Variants in PODXL2 observed in about 807,000 individuals in gnomAD.
PODXL2 encodes podocalyxin like 2, also known as podocalyxin-like protein 2.
In PODXL2, 17 loss-of-function variants were observed where a neutral mutation model predicts 53.4. The ratio of observed to expected loss-of-function variants is 0.32; its 90% CI spans 0.22 to 0.48. The LOEUF (loss-of-function observed/expected upper bound fraction) is 0.48. Ranked by LOEUF, PODXL2 falls within the 20% of genes least tolerant of loss-of-function variation. PODXL2 has a pLI of 0.99. For synonymous variants in PODXL2, 311 were observed against 306.7 expected, an observed-to-expected ratio of 1.01 and a Z score of -0.15; for missense variants, 673 against 760.0, an observed-to-expected ratio of 0.89 and a Z score of 1.35.
intron 4 of PODXL2, chr3:127,665,824 G>T (rs969185481): frequency 2.7e-6 from 1 of 371,464 alleles, no homozygotes; most frequent in Non-Finnish European, 5.4e-6. Flanking sequence ...TGCCACACAC[G>T]TGCTTACAAG....
At chr3:127,657,521 T>G (rs1472621578) in intron 2 of PODXL2, among the ~76,000 whole-genome samples, 1 of 152,248 alleles carries the variant, frequency 6.6e-6, no homozygotes, top group African/African-American at 2.4e-5. Flanking sequence ...AGTCATCTCT[T>G]GAGTCTGCTC....
intron 1 of PODXL2, among the ~76,000 whole-genome samples, chr3:127,637,654 T>C (rs943952288): frequency 2.7e-4 from 41 of 152,206 alleles, no homozygotes; most frequent in Admixed American, 6.5e-5. Context: ...TCTCCTGTTA[T>C]ATAGAACATC....
chr3:127,632,507 T>C (rs952607135), intron 1 of PODXL2, among the ~76,000 whole-genome samples: 2 of 152,238 alleles, frequency 1.3e-5, no homozygotes, highest in African/African-American at 2.4e-5. Flanking sequence ...CATGGCCCTC[T>C]CAAAGGCAGG....
At chr3:127,669,308 T>G (rs1411160486) in intron 6 of PODXL2, 106 bp downstream of exon 6, 38 of 760,698 alleles carry the variant, frequency 5.0e-5, no homozygotes, top group Middle Eastern at 2.3e-4. Context: ...CAAAGGAGTA[T>G]AAGACAGAGC....
rs746022833 is a variant in PODXL2, at chr3:127,671,496, C to G, written c.1488C>G (p.Ser496Arg). The change falls in exon 7 of 8, where the codon AGC becomes AGG. Residue 496 changes from serine (S) to arginine (R), a missense_variant. This residue lies in a region of PODXL2 where 588 missense variants were observed against 668.3 expected (regional missense o/e 0.88). Transcript: ENST00000342480. The stretch of plus-strand genomic sequence containing the variant: ...AGGCGCGGGCCAGCCAGGTGCGCAG[C>G]GACTACGGCACGCTCTTCGTGGTGC... ...SCQARASQVRSDYGTLFVVLV... is the reference protein window; with the variant it reads ...SCQARASQVRRDYGTLFVVLV... 3 of 1,614,150 alleles carry G rather than the reference C, an allele frequency of 1.9e-6. No homozygotes were observed. The highest frequency in any genetic ancestry group is 2.5e-6 in the Non-Finnish European group (3 of 1,180,018).
At chr3:127,634,972 G>A (rs1389107233) in intron 1 of PODXL2, among the ~76,000 whole-genome samples, 1 of 152,108 alleles carries the variant, frequency 6.6e-6, no homozygotes, top group Non-Finnish European at 1.5e-5. Context: ...TATGAGGACT[G>A]TAATTCTAAT....
chr3:127,650,035 T>C (rs1055117242), intron 2 of PODXL2, among the ~76,000 whole-genome samples: 1 of 152,240 alleles, frequency 6.6e-6, no homozygotes, highest in Non-Finnish European at 1.5e-5. Flanking sequence ...ATATTAACAC[T>C]CAGTTGGATA....
At chr3:127,671,260 C>T (rs974942245) in intron 6 of PODXL2, among the ~76,000 whole-genome samples, 174 bp from the exon 7 acceptor site, 1 of 151,996 alleles carries the variant, frequency 6.6e-6, no homozygotes, top group African/African-American at 2.4e-5. Context: ...CTGAGGCAAA[C>T]GGGATGGGCA....
At chr3:127,669,848 A>C (rs954693261) in intron 6 of PODXL2, among the ~76,000 whole-genome samples, 1 of 152,148 alleles carries the variant, frequency 6.6e-6, no homozygotes, top group Admixed American at 6.5e-5. Flanking sequence ...AGGGTCCCCC[A>C]GTCCTGCTCC....
chr3:127,662,414 C>T (rs933315202), intron 4 of PODXL2, 103 bp downstream of exon 4: 12 of 794,260 alleles, frequency 1.5e-5, no homozygotes, highest in African/African-American at 3.4e-5. Flanking sequence ...TGGGAGAAGG[C>T]TTAGTCCTTC....
At chr3:127,651,431 G>A (rs568506933) in intron 2 of PODXL2, among the ~76,000 whole-genome samples, 12 of 152,360 alleles carry the variant, frequency 7.9e-5, no homozygotes, top group African/African-American at 2.6e-4. Context: ...TGAAGGCGGT[G>A]CTAGCAGGTG....
chr3:127,629,250 C>CCGCCGCTGCTTT lies in PODXL2; in HGVS notation c.42_53dup (p.Ser15_Leu18dup), dbSNP rs1166605606. On this transcript the variant is annotated inframe_insertion, in exon 1 of 8. Transcript: ENST00000342480. This position sits in a 1 kb window ranked among gnomAD's most constrained non-coding sequence, Gnocchi z 6.4. Reference sequence around the variant, plus strand: ...CCGGCTGCTGCGGGCCGCCCGGCTGCCGCCGCTGCTTTCGCCGCTGCTGCT... The same window carrying CCGCCGCTGCTTT: ...CCGGCTGCTGCGGGCCGCCCGGCTGCCGCCGCTGCTTTCGCCGCTGCTTTCGCCGCTGCTGCT... 4,169 of 1,008,074 alleles carry CCGCCGCTGCTTT rather than the reference C, an allele frequency of 4.1e-3. 16 individuals carry two copies. Among genetic ancestry groups the CCGCCGCTGCTTT allele is most frequent in the Middle Eastern group, 6.9e-3 (14 of 2,022 alleles). The allele number at this position is 1,008,074 out of a possible 1,614,324, so 62.4% of individuals were successfully genotyped here.
At chr3:127,669,298 CA>C in intron 6 of PODXL2, 96 bp downstream of exon 6, 1 of 842,784 alleles carries the variant, frequency 1.2e-6, no homozygotes, top group South Asian at 1.5e-5. Flanking sequence ...TCGTGAGGTT[CA>C]AAGGAGTATA....
rs1416551667 is a variant in PODXL2, at chr3:127,661,078, G to A, written c.1050G>A (p.Leu350=). 2 of 1,614,196 alleles carry A rather than the reference G, an allele frequency of 1.2e-6. No individual in the cohort carries two copies. Among genetic ancestry groups the A allele is most frequent in the Admixed American group, 1.7e-5 (1 of 60,028 alleles). ...DMELTPSSAT[L]GQEDLNQQLL... is the part of the protein sequence containing the mutation. ...AACTGACACCTTCCTCTGCTACCTT[G>A]GGACAAGAAGATCTCAACCAGCAGC... Residue 350 remains leucine, a synonymous_variant, in exon 3 of 8, where the codon TTG becomes TTA. Coordinates refer to ENST00000342480, the MANE Select transcript of PODXL2 (RefSeq NM_015720.4).
chr3:127,629,244 C>G lies in PODXL2; in HGVS notation c.25C>G (p.Arg9Gly). 2.0e-6 allele frequency: 2 copies of G among 1,003,906 alleles called. No homozygotes were observed. Among genetic ancestry groups the G allele is most frequent in the Non-Finnish European group, 2.4e-6 (2 of 842,550 alleles). The allele number at this position is 1,003,906 out of a possible 1,614,324, so 62.2% of individuals were successfully genotyped here. Reference sequence around the variant, plus strand: ...CATGGGCCGGCTGCTGCGGGCCGCCCGGCTGCCGCCGCTGCTTTCGCCGCT... The same window carrying G: ...CATGGGCCGGCTGCTGCGGGCCGCCGGGCTGCCGCCGCTGCTTTCGCCGCT... MGRLLRAA[R>G]LPPLLSPLLL... The change falls in exon 1 of 8, where the codon CGG (arginine) becomes GGG (glycine). Residue 9 changes from arginine (R) to glycine (G), a missense_variant. Arg to Gly is a moderately radical substitution (Grantham distance 125). Around this residue, in one of 3 missense-constraint regions of PODXL2, gnomAD observed 588 missense variants for 668.3 expected, o/e 0.88. Transcript: ENST00000342480. This position sits in a 1 kb window ranked among gnomAD's most constrained non-coding sequence, Gnocchi z 6.4.
rs1361175615 is a variant in PODXL2 at position 127,672,388 on chromosome 3, G to A, written c.1726G>A (p.Ala576Thr). 4 of 1,544,650 alleles carry A rather than the reference G, an allele frequency of 2.6e-6. No individual in the cohort carries two copies. The highest frequency in any genetic ancestry group is 8.7e-7 in the Non-Finnish European group (1 of 1,146,166). The change falls in exon 8 of 8, where the codon GCC becomes ACC. Residue 576 changes from alanine to threonine, a missense_variant. Coordinates refer to ENST00000342480, the MANE Select transcript of PODXL2 (RefSeq NM_015720.4). ...EKHPSLNGGG[A>T]LNGPGSWGAL... The stretch of plus-strand genomic sequence containing the variant: ...GCACCCCAGCCTGAACGGCGGCGGG[G>A]CCCTCAACGGCCCGGGGAGCTGGGG...
At position 127,672,758 on chromosome 3, in the gene PODXL2, C is replaced by G; in HGVS notation, c.*278C>G. 1 of 399,272 alleles carries G rather than the reference C, an allele frequency of 2.5e-6. No individual in the cohort carries two copies. The highest frequency in any genetic ancestry group is 4.4e-6 in the Non-Finnish European group (1 of 229,612). 24.7% of individuals were successfully genotyped at this position (399,272 alleles called of 1,614,324 possible). On this transcript the variant is annotated 3_prime_UTR_variant, in exon 8 of 8. Coordinates refer to ENST00000342480, the MANE Select transcript of PODXL2 (RefSeq NM_015720.4). ...GGCGGCGGGCGGCGCTTCCTGCGCC[C>G]CGGGACTCAATTAAACCCGCCCGGA...
At chr3:127,648,091 A>G (rs560275821) in intron 2 of PODXL2, among the ~76,000 whole-genome samples, 17 of 152,268 alleles carry the variant, frequency 1.1e-4, no homozygotes, top group African/African-American at 3.4e-4. Flanking sequence ...TGATTAGATC[A>G]CTGTTTTACA....
chr3:127,642,769 A>ACTTAT (rs1308682804), intron 2 of PODXL2, among the ~76,000 whole-genome samples: 2 of 152,206 alleles, frequency 1.3e-5, no homozygotes, highest in African/African-American at 4.8e-5. Context: ...AATAGTGACC[A>ACTTAT]CTTATCACTC....
Sources: gnomAD v4.1 joint callset for allele counts (sites outside exome capture counted in the v4.1 genomes callset) on GRCh38, gnomAD v4.1.1 for gene constraint, gnomAD v4.1.1 regional missense constraint, Gnocchi (gnomAD v3.1) non-coding constraint, MANE v1.5 for transcripts, NCBI Gene and HGNC (gene_info 2026-07-23, HGNC 2026-07-21) for gene names.